Variants in DGKB observed in about 807,000 individuals in gnomAD.
DGKB encodes the protein diacylglycerol kinase beta.
In DGKB, 67 loss-of-function variants were observed where a neutral mutation model predicts 114.3. The ratio of observed to expected loss-of-function variants is 0.59; its 90% CI spans 0.48 to 0.72. The LOEUF (loss-of-function observed/expected upper bound fraction) is 0.72, where lower values mean the gene tolerates loss of function less well. Ranked by LOEUF, DGKB falls within the 30% of genes least tolerant of loss-of-function variation. DGKB has a pLI of 0.00. For synonymous variants in DGKB, 398 were observed against 323.1 expected, an observed-to-expected ratio of 1.23 and a Z score of -2.49; for missense variants, 907 against 975.2, an observed-to-expected ratio of 0.93 and a Z score of 0.93.
At chr7:14,734,970 G>A (rs987414683) in intron 5 of DGKB, among the ~76,000 whole-genome samples, 4 of 152,114 alleles carry the variant, frequency 2.6e-5, no homozygotes, top group African/African-American at 9.7e-5. Context: ...GGAGTCGCGG[G>A]AGAAGGGGCT....
chr7:14,494,341 T>G (rs1018417651), intron 20 of DGKB, among the ~76,000 whole-genome samples: 1 of 152,016 alleles, frequency 6.6e-6, no homozygotes, highest in African/African-American at 2.4e-5. Context: ...AAATGAGATT[T>G]TAGATGCCTA....
intron 21 of DGKB, among the ~76,000 whole-genome samples, chr7:14,398,641 T>A (rs1449105317): frequency 2.0e-5 from 3 of 151,968 alleles, no homozygotes; most frequent in Non-Finnish European, 2.9e-5. Context: ...AGTAGTAACT[T>A]TATTCTGATG....
intron 23 of DGKB, among the ~76,000 whole-genome samples, chr7:14,309,695 T>C (rs1210389239): frequency 1.3e-5 from 2 of 152,236 alleles, no homozygotes. Context: ...GGTAGATTTC[T>C]TATAGGATAA....
rs111356946 is a variant in DGKB at position 14,901,039 on chromosome 7, C to T, written c.-188+1553G>A. Among the ~76,000 whole-genome samples, 419 of 152,198 alleles carry T rather than the reference C, an allele frequency of 2.8e-3. 1 individual carries two copies. The highest frequency in any genetic ancestry group is 9.8e-3 in the African/African-American group (409 of 41,548). On this transcript the variant is annotated intron_variant, in intron 1 of 25. Coordinates refer to ENST00000402815, the MANE Select transcript of DGKB (RefSeq NM_001350709.2). ...TATGCACTATTGTAGCAAATATATT[C>T]CCTGCATTATATTTTACTCAGTGAT...
chr7:14,385,678 A>G (rs2128694171), intron 21 of DGKB, among the ~76,000 whole-genome samples: 1 of 152,356 alleles, frequency 6.6e-6, no homozygotes, highest in East Asian at 1.9e-4. Flanking sequence ...TGCATAAAGC[A>G]AAATGTATAG....
intron 23 of DGKB, among the ~76,000 whole-genome samples, chr7:14,335,727 C>A (rs927497671): frequency 2.0e-5 from 3 of 151,954 alleles, no homozygotes; most frequent in African/African-American, 7.3e-5. Flanking sequence ...AATACTATTG[C>A]TGCTTTGTTG....
chr7:14,877,070 C>T (rs1587108642), intron 1 of DGKB, among the ~76,000 whole-genome samples: 1 of 152,116 alleles, frequency 6.6e-6, no homozygotes. Flanking sequence ...ACTCATATAA[C>T]CACAGTTAAT....
chr7:14,608,424 C>T (rs1007181119), intron 16 of DGKB, among the ~76,000 whole-genome samples: 1 of 151,856 alleles, frequency 6.6e-6, no homozygotes, highest in African/African-American at 2.4e-5. Context: ...GACTAGACAT[C>T]AAAGGAACAT....
chr7:14,384,101 C>G (rs1819931590), intron 21 of DGKB, among the ~76,000 whole-genome samples: 1 of 152,034 alleles, frequency 6.6e-6, no homozygotes, highest in South Asian at 2.1e-4. Flanking sequence ...GTGCATGATA[C>G]CAAAATGTTA....
At chr7:14,378,681 T>C (rs896324209) in intron 21 of DGKB, among the ~76,000 whole-genome samples, 1 of 152,118 alleles carries the variant, frequency 6.6e-6, no homozygotes, top group Non-Finnish European at 1.5e-5. Flanking sequence ...CCTCAGCCTA[T>C]ATATGTTTCT....
At position 14,922,375 on chromosome 7, in the gene DGKB, C is replaced by CGTGTGTGTGTGTGTATGT. The variant is rs1027562736; in HGVS notation, c.-188+52320_-188+52321insACATACACACACACACAC. ...TGTCTACATATATATGTGTATCCAT[C>CGTGTGTGTGTGTGTATGT]GTGTGTGTGTGTGTGTGTGTGTGTG... On this transcript the variant is annotated intron_variant, in intron 1 of 4. Coordinates refer to the DGKB transcript ENST00000437998. Among the ~76,000 whole-genome samples the CGTGTGTGTGTGTGTATGT allele has an allele frequency of 1.4e-4, 17 of 118,214 alleles. 1 individual carries two copies. Among genetic ancestry groups the CGTGTGTGTGTGTGTATGT allele is most frequent in the African/African-American group, 5.3e-4 (14 of 26,258 alleles). The allele number at this position is 118,214 out of a possible 152,430, so 77.6% of individuals were successfully genotyped here. A position where few individuals can be genotyped will look rare whatever the true frequency, so the allele number is the denominator to read the frequency against.
chr7:14,720,077 TAACAC>T (rs1408033438), intron 5 of DGKB, among the ~76,000 whole-genome samples: 2 of 151,660 alleles, frequency 1.3e-5, no homozygotes, highest in African/African-American at 2.4e-5. Flanking sequence ...ATTTACATCT[TAACAC>T]AGCACACACA....
chr7:14,152,217 AC>A (rs1782316226), intron 25 of DGKB, among the ~76,000 whole-genome samples: 1 of 152,122 alleles, frequency 6.6e-6, no homozygotes, highest in African/African-American at 2.4e-5. Flanking sequence ...GAGGACATGA[AC>A]CAAATGGCCT....
chr7:14,732,168 T>A (rs2128390611), intron 5 of DGKB, among the ~76,000 whole-genome samples: 1 of 151,340 alleles, frequency 6.6e-6, no homozygotes, highest in South Asian at 2.1e-4. Flanking sequence ...ATGTATCCTG[T>A]AATTGATTAT....
At chr7:14,502,005 A>C (rs958118424) in intron 20 of DGKB, among the ~76,000 whole-genome samples, 1 of 151,842 alleles carries the variant, frequency 6.6e-6, no homozygotes, top group Non-Finnish European at 1.5e-5. Flanking sequence ...TTGGGTTAAG[A>C]GGGTGGACAT....
At chr7:14,744,250 T>C (rs1031739728) in intron 4 of DGKB, among the ~76,000 whole-genome samples, 14 of 152,228 alleles carry the variant, frequency 9.2e-5, no homozygotes, top group South Asian at 2.1e-4. Flanking sequence ...TATGGCAATA[T>C]GGTTATTTGC....
chr7:14,249,430 AAATGTTTAGTAGAATTCACCAGTG>A (rs1298682316), intron 23 of DGKB, among the ~76,000 whole-genome samples: 2 of 152,006 alleles, frequency 1.3e-5, no homozygotes, highest in African/African-American at 4.8e-5. Context: ...CATTCTTTTT[AAATGTTTAGTAGAATTCACCAGTG>A]AAGCCATCAG....
At chr7:14,546,010 T>C (rs1011185387) in intron 20 of DGKB, among the ~76,000 whole-genome samples, 5 of 152,156 alleles carry the variant, frequency 3.3e-5, no homozygotes, top group Admixed American at 2.6e-4. Flanking sequence ...CTGAATGTTT[T>C]CTAAGCAAAG....
chr7:14,523,706 T>A (rs1790163486), intron 20 of DGKB, among the ~76,000 whole-genome samples: 1 of 152,176 alleles, frequency 6.6e-6, no homozygotes, highest in South Asian at 2.1e-4. Flanking sequence ...ATATTATCTG[T>A]AAACAATAAT....
Sources: allele counts gnomAD v4.1 joint callset (sites outside exome capture counted in the v4.1 genomes callset), GRCh38; gene constraint gnomAD v4.1.1; transcripts MANE v1.5; gene names NCBI Gene and HGNC (gene_info 2026-07-23, HGNC 2026-07-21).